The following ENAH variants were observed in gnomAD, a reference collection of about 807,000 sequenced individuals.
ENAH encodes protein enabled homolog.
In ENAH, 23 loss-of-function variants were observed where a neutral mutation model predicts 78.7. The observed-to-expected ratio is 0.29, with a 90% CI of 0.21 to 0.41. ENAH has a LOEUF of 0.41. Ranked by LOEUF, ENAH falls within the 10% of genes least tolerant of loss-of-function variation. The pLI is 1.00. For missense variants in ENAH, 544 were observed against 691.0 expected (o/e 0.79, Z 2.39); for synonymous variants, 226 against 241.0 (o/e 0.94, Z 0.58).
intron 2 of ENAH, among the ~76,000 whole-genome samples, chr1:225,565,416 C>G (rs1198898822): frequency 5.4e-5 from 8 of 149,070 alleles, no homozygotes; most frequent in Non-Finnish European, 1.0e-4. Context: ...CCCTGGGCGA[C>G]AAGAGCAAAA....
At chr1:225,616,839 C>T (rs2148204063) in intron 1 of ENAH, among the ~76,000 whole-genome samples, 1 of 152,260 alleles carries the variant, frequency 6.6e-6, no homozygotes, top group African/African-American at 2.4e-5. Context: ...GTGGCTCAGG[C>T]CTGTAATCCC....
At chr1:225,499,945 A>G (rs546489143) in intron 12 of ENAH, among the ~76,000 whole-genome samples, 2 of 151,964 alleles carry the variant, frequency 1.3e-5, no homozygotes, top group South Asian at 4.1e-4. Flanking sequence ...AGAAGTTATT[A>G]AATAGACTCA....
At chr1:225,508,554 C>A (rs1054953905) in intron 10 of ENAH, 1 of 152,228 alleles carries the variant, frequency 6.6e-6, no homozygotes, top group Non-Finnish European at 1.5e-5. Flanking sequence ...TTCTATTGTA[C>A]TTCCTTGATT....
At chr1:225,627,822 G>A (rs1041548911) in intron 1 of ENAH, among the ~76,000 whole-genome samples, 3 of 152,144 alleles carry the variant, frequency 2.0e-5, no homozygotes, top group Admixed American at 6.6e-5. Context: ...CAAGCCCAGT[G>A]GTGGAGTGGA....
In ENAH at chr1:225,631,070, C is replaced by T. The variant is rs547417150; in HGVS notation, c.5+21616G>A. Among the ~76,000 whole-genome samples, 2 of 152,136 alleles carry T rather than the reference C, an allele frequency of 1.3e-5. 1 individual carries two copies. Among genetic ancestry groups the T allele is most frequent in the East Asian group, 3.9e-4 (2 of 5,176 alleles). On this transcript the variant is annotated intron_variant, in intron 1 of 13. Transcript: ENST00000366843. Reference sequence around the variant, plus strand: ...TTAAATGCTTGTTTTAAAATAAAACCTTGCAAACTAGCCCCAAACCACTTC... The same window carrying T: ...TTAAATGCTTGTTTTAAAATAAAACTTTGCAAACTAGCCCCAAACCACTTC...
intron 1 of ENAH, among the ~76,000 whole-genome samples, chr1:225,616,316 T>A (rs2097032760): frequency 1.4e-5 from 2 of 140,454 alleles, no homozygotes; most frequent in African/African-American, 2.7e-5. Flanking sequence ...CACCCAAGAA[T>A]GATCAATAAA....
chr1:225,489,403 C>T lies in ENAH; in HGVS notation c.*8372G>A, dbSNP rs1038768604. 4 of 152,186 alleles carry T rather than the reference C, an allele frequency of 2.6e-5. No homozygotes were observed. The highest frequency in any genetic ancestry group is 4.4e-5 in the Non-Finnish European group (3 of 68,048). The allele number at this position is 152,186 out of a possible 1,614,324, so 9.4% of individuals were successfully genotyped here. Reference sequence around the variant, plus strand: ...CACACCACTGGTGCTTTATGCAACACCACTGACCCCAAGATGGTCACTCCA... The same window carrying T: ...CACACCACTGGTGCTTTATGCAACATCACTGACCCCAAGATGGTCACTCCA... On this transcript the variant is annotated 3_prime_UTR_variant, in exon 14 of 14. Transcript: ENST00000366843.
At position 225,517,200 on chromosome 1, in the gene ENAH, T is replaced by C. The variant is rs1271162338; in HGVS notation, c.909A>G (p.Gln303=). 2 of 1,532,824 alleles carry C rather than the reference T, an allele frequency of 1.3e-6. No homozygotes were observed. The highest frequency in any genetic ancestry group is 2.8e-5 in the African/African-American group (2 of 72,592). 95.0% of individuals were successfully genotyped at this position (1,532,824 alleles called of 1,614,324 possible). The change falls in exon 6 of 14, where the codon CAA becomes CAG. Residue 303 remains glutamine, a synonymous_variant. Transcript: ENST00000366843. ...AASQPAETPS[Q]QGIVLGPLAP... ...TAGCAATAATGAAAGCCTTACCCTG[T>C]TGGGATGGAGTCTCGGCCGGCTGAG...
chr1:225,597,447 C>T (rs1317973944), intron 1 of ENAH, among the ~76,000 whole-genome samples: 5 of 151,978 alleles, frequency 3.3e-5, no homozygotes, highest in Non-Finnish European at 7.4e-5. Context: ...ATCTCTTGGG[C>T]CCAGGAGTTC....
intron 1 of ENAH, among the ~76,000 whole-genome samples, chr1:225,607,505 G>C (rs1219167793): frequency 7.1e-6 from 1 of 140,178 alleles, no homozygotes; most frequent in Non-Finnish European, 1.5e-5. Flanking sequence ...ATCCAGAGCA[G>C]GGTGGGGGGC....
At chr1:225,519,824 G>A (rs935788368) in intron 4 of ENAH, among the ~76,000 whole-genome samples, 1 of 152,146 alleles carries the variant, frequency 6.6e-6, no homozygotes, top group Admixed American at 6.5e-5. Flanking sequence ...TACTTTTCAT[G>A]AGTAGTGTTG....
At chr1:225,555,881 C>T (rs1409284157) in intron 2 of ENAH, among the ~76,000 whole-genome samples, 1 of 152,126 alleles carries the variant, frequency 6.6e-6, no homozygotes, top group Non-Finnish European at 1.5e-5. Context: ...TCTTGAGTAT[C>T]TATATAGGGG....
chr1:225,608,925 T>C (rs1482529920), intron 1 of ENAH, among the ~76,000 whole-genome samples: 1 of 151,812 alleles, frequency 6.6e-6, no homozygotes, highest in Non-Finnish European at 1.5e-5. Context: ...CCTTCAAAAT[T>C]TTGAAGAAAA....
At chr1:225,601,193 A>C (rs900877158) in intron 1 of ENAH, among the ~76,000 whole-genome samples, 2 of 152,120 alleles carry the variant, frequency 1.3e-5, no homozygotes, top group South Asian at 4.1e-4. Context: ...AAATATAAGC[A>C]AAAAAATTCA....
At chr1:225,562,769 TAAC>T (rs1284829591) in intron 2 of ENAH, among the ~76,000 whole-genome samples, 2 of 151,876 alleles carry the variant, frequency 1.3e-5, no homozygotes, top group East Asian at 1.9e-4. Flanking sequence ...TAGTAAATTA[TAAC>T]AACATGTGCC....
intron 3 of ENAH, among the ~76,000 whole-genome samples, chr1:225,548,219 T>TA (rs1408993752): frequency 6.6e-6 from 1 of 151,930 alleles, no homozygotes; most frequent in Non-Finnish European, 1.5e-5. Flanking sequence ...TCTTTTTTTT[T>TA]TTTGGACATT....
intron 3 of ENAH, among the ~76,000 whole-genome samples, chr1:225,548,619 C>T (rs1156504337): frequency 6.6e-6 from 1 of 152,214 alleles, no homozygotes; most frequent in Non-Finnish European, 1.5e-5. Flanking sequence ...TTGTGCCTCC[C>T]TTTCTAGGTA....
intron 6 of ENAH, among the ~76,000 whole-genome samples, chr1:225,516,452 C>T (rs1001852717): frequency 2.0e-5 from 3 of 152,248 alleles, no homozygotes; most frequent in East Asian, 1.9e-4. Flanking sequence ...TCTGGGATGA[C>T]GTATCTAATG....
At chr1:225,649,130 A>G (rs1269500383) in intron 1 of ENAH, among the ~76,000 whole-genome samples, 1 of 152,308 alleles carries the variant, frequency 6.6e-6, no homozygotes, top group Non-Finnish European at 1.5e-5. Flanking sequence ...CTCACTACTC[A>G]GTTAAGAATT....
Sources: allele counts gnomAD v4.1 joint callset (sites outside exome capture counted in the v4.1 genomes callset), GRCh38; gene constraint gnomAD v4.1.1; transcripts MANE v1.5; gene names NCBI Gene and HGNC (gene_info 2026-07-23, HGNC 2026-07-21).